The following PLEKHA1 variants were observed in gnomAD, a reference collection of about 807,000 sequenced individuals.
PLEKHA1 encodes the protein pleckstrin homology domain-containing family A member 1.
PLEKHA1 carries 34 observed loss-of-function variants against 52.0 expected under a neutral mutation model. That is an observed-to-expected ratio of 0.65 (90% confidence interval 0.50 to 0.87). The LOEUF (loss-of-function observed/expected upper bound fraction) is 0.87. Among genes scored for constraint, PLEKHA1 ranks in the 40% least tolerant of loss-of-function variants. The pLI is 0.00. For missense variants in PLEKHA1, 497 were observed against 504.2 expected (o/e 0.99, Z 0.14); for synonymous variants, 163 against 170.7 (o/e 0.95, Z 0.35).
chr10:122,389,800 A>G (rs2096751396), intron 1 of PLEKHA1, among the ~76,000 whole-genome samples: 1 of 152,168 alleles, frequency 6.6e-6, no homozygotes, highest in African/African-American at 2.4e-5. Flanking sequence ...GGCAGAGTAG[A>G]CTTTGCATAA....
chr10:122,384,874 T>G (rs2096666475), intron 1 of PLEKHA1, among the ~76,000 whole-genome samples: 1 of 152,112 alleles, frequency 6.6e-6, no homozygotes, highest in Non-Finnish European at 1.5e-5. Flanking sequence ...GAGAATTGCT[T>G]GAGCCTGTGA....
intron 1 of PLEKHA1, among the ~76,000 whole-genome samples, chr10:122,391,178 A>G (rs2096770372): frequency 6.6e-6 from 1 of 151,718 alleles, no homozygotes; most frequent in African/African-American, 2.4e-5. Context: ...TGTATTCTGG[A>G]TACTAGATCC....
At chr10:122,412,662 G>GA in intron 5 of PLEKHA1, 1 of 421,102 alleles carries the variant, frequency 2.4e-6, no homozygotes, top group Non-Finnish European at 4.3e-6. Flanking sequence ...GCATAGGGTA[G>GA]ACAGGAGTAG....
chr10:122,398,074 G>A, intron 3 of PLEKHA1, 100 bp downstream of exon 3: 1 of 892,538 alleles, frequency 1.1e-6, no homozygotes, highest in Non-Finnish European at 1.8e-6. Context: ...CTTTAACAGT[G>A]ATGTTCAGAT....
intron 4 of PLEKHA1, among the ~76,000 whole-genome samples, chr10:122,400,790 G>A (rs1395343554): frequency 1.3e-5 from 2 of 152,178 alleles, no homozygotes; most frequent in Admixed American, 1.3e-4. Flanking sequence ...GAGTAGTTGA[G>A]GGTATTGGAT....
Position 122,393,414 on chromosome 10 carries a change from G to C in PLEKHA1, c.141+73G>C. On this transcript the variant is annotated intron_variant, in intron 2 of 11. Coordinates refer to ENST00000368990, the MANE Select transcript of PLEKHA1 (RefSeq NM_001001974.4). This position sits in a 1 kb window ranked among gnomAD's most constrained non-coding sequence, Gnocchi z 4.5. ...TTTAAGTATTTAACATACTATACAG[G>C]CTTTAGATTTGTCTTCTTAAGCAGT... 5.4e-6 allele frequency: 7 copies of C among 1,293,478 alleles called. No individual in the cohort carries two copies. Among genetic ancestry groups the C allele is most frequent in the Non-Finnish European group, 5.9e-6 (6 of 1,017,978 alleles). The allele number at this position is 1,293,478 out of a possible 1,614,324, so 80.1% of individuals were successfully genotyped here. A position where few individuals can be genotyped will look rare whatever the true frequency, so the allele number is the denominator to read the frequency against.
At chr10:122,382,857 A>T (rs886485152) in intron 1 of PLEKHA1, among the ~76,000 whole-genome samples, 33 of 152,336 alleles carry the variant, frequency 2.2e-4, no homozygotes, top group African/African-American at 7.5e-4. Flanking sequence ...ATGGTCTGGA[A>T]GTCTTGTTAT....
intron 5 of PLEKHA1, among the ~76,000 whole-genome samples, chr10:122,411,391 CAT>C (rs1265637524): frequency 6.6e-6 from 1 of 152,200 alleles, no homozygotes; most frequent in Non-Finnish European, 1.5e-5. Flanking sequence ...AGCATCCTTT[CAT>C]ATACACATGG....
intron 7 of PLEKHA1, 147 bp downstream of exon 7, chr10:122,416,149 G>A (rs1248498004): frequency 3.2e-6 from 3 of 940,554 alleles, no homozygotes; most frequent in African/African-American, 1.7e-5. Flanking sequence ...ATAAAATAGG[G>A]GATATTCTCT....
intron 2 of PLEKHA1, among the ~76,000 whole-genome samples, chr10:122,395,863 TA>T (rs1175426178): frequency 6.6e-6 from 1 of 152,130 alleles, no homozygotes; most frequent in Non-Finnish European, 1.5e-5. Flanking sequence ...TAAGTTGCTG[TA>T]CGAGGGAGTG....
downstream of PLEKHA1, chr10:122,435,491 C>T (rs1374457480): frequency 7.9e-5 from 12 of 151,992 alleles, no homozygotes; most frequent in Admixed American, 1.3e-4. Flanking sequence ...TTGCCTCCAT[C>T]GTAGAAAATT....
At chr10:122,423,063 A>T (rs1342073744) in intron 8 of PLEKHA1, 1 of 151,462 alleles carries the variant, frequency 6.6e-6, no homozygotes, top group East Asian at 1.9e-4. Flanking sequence ...GTGTGAAATT[A>T]TTTCAAAATT....
At chr10:122,421,758 A>G (rs1432784345) in intron 8 of PLEKHA1, 1 of 152,176 alleles carries the variant, frequency 6.6e-6, no homozygotes, top group East Asian at 1.9e-4. Context: ...ATTCAGCATC[A>G]CTGATAATTA....
At chr10:122,418,041 T>G in intron 8 of PLEKHA1, 73 bp downstream of exon 8, 1 of 1,182,590 alleles carries the variant, frequency 8.5e-7, no homozygotes, top group Non-Finnish European at 1.2e-6. Flanking sequence ...TATATATAAT[T>G]TCTTGTACTG....
chr10:122,414,370 T>G (rs936037388), intron 6 of PLEKHA1, among the ~76,000 whole-genome samples: 1 of 152,146 alleles, frequency 6.6e-6, no homozygotes, highest in Non-Finnish European at 1.5e-5. Context: ...ATAATTTTAT[T>G]GCATCATTTA....
the PLEKHA1 span, chr10:122,437,586 C>G: frequency 6.6e-6 from 1 of 152,208 alleles, no homozygotes; most frequent in East Asian, 1.9e-4. Context: ...GAAAAGAGAA[C>G]CATGGAATGA....
At position 122,406,614 on chromosome 10, in the gene PLEKHA1, A is replaced by G. The variant is rs2134457382; in HGVS notation, c.283A>G (p.Asn95Asp). The G allele has an allele frequency of 1.2e-6, 2 of 1,613,462 alleles. No individual in the cohort carries two copies. Among genetic ancestry groups the G allele is most frequent in the Non-Finnish European group, 1.7e-6 (2 of 1,179,404 alleles). ...AGMRKYFLQA[N>D]DQQDLVEWVN... ...AATGAGGAAGTACTTCCTACAAGCC[A>G]ATGATCAGCAGGACCTAGTGGAATG... Residue 95 changes from asparagine (N) to aspartate (D), a missense_variant, in exon 5 of 12, where the codon AAT becomes GAT. Coordinates refer to ENST00000368990, the MANE Select transcript of PLEKHA1 (RefSeq NM_001001974.4).
intron 2 of PLEKHA1, among the ~76,000 whole-genome samples, chr10:122,394,211 A>C (rs2096819229): frequency 6.6e-6 from 1 of 150,716 alleles, no homozygotes; most frequent in Non-Finnish European, 1.5e-5. Context: ...AGTAGCTGGG[A>C]CTACAGGGGT....
At chr10:122,418,622 A>G (rs1374307186) in intron 8 of PLEKHA1, 1 of 152,176 alleles carries the variant, frequency 6.6e-6, no homozygotes, top group Admixed American at 6.5e-5. Context: ...CCTATTTCAC[A>G]TTGACTCATA....
Sources: allele counts gnomAD v4.1 joint callset (sites outside exome capture counted in the v4.1 genomes callset), GRCh38; gene constraint gnomAD v4.1.1; non-coding constraint Gnocchi (gnomAD v3.1); transcripts MANE v1.5; gene names NCBI Gene and HGNC (gene_info 2026-07-23, HGNC 2026-07-21).